Variants in STOX2 observed in about 807,000 individuals in gnomAD.
STOX2 encodes storkhead-box protein 2.
In STOX2, 28 loss-of-function variants were observed where a neutral mutation model predicts 60.9. The ratio of observed to expected loss-of-function variants is 0.46; its 90% CI spans 0.34 to 0.63. STOX2 has a LOEUF of 0.63. Among genes scored for constraint, STOX2 ranks in the 30% least tolerant of loss-of-function variants. The pLI, the probability that STOX2 is intolerant of heterozygous loss-of-function variation, is 0.01. For missense variants in STOX2, 1,024 were observed against 1,187.7 expected (o/e 0.86, Z 2.03); for synonymous variants, 472 against 463.9 (o/e 1.02, Z -0.22).
intron 3 of STOX2, among the ~76,000 whole-genome samples, chr4:184,012,466 G>A (rs537929454): frequency 1.6e-4 from 24 of 152,204 alleles, no homozygotes; most frequent in East Asian, 1.3e-3. Flanking sequence ...AATTAATTCC[G>A]TTGTGATCTT....
intron 1 of STOX2, among the ~76,000 whole-genome samples, chr4:183,994,973 A>T (rs1733268575): frequency 6.6e-6 from 1 of 152,174 alleles, no homozygotes; most frequent in Non-Finnish European, 1.5e-5. Context: ...TAGAGGATGG[A>T]GGCTGGTACT....
At chr4:183,849,971 CT>C (rs567356241) in intron 1 of STOX2, among the ~76,000 whole-genome samples, 1 of 149,616 alleles carries the variant, frequency 6.7e-6, no homozygotes, top group African/African-American at 2.5e-5. Context: ...TTCTTTCTTT[CT>C]TTTTTTTTGA....
intron 1 of STOX2, among the ~76,000 whole-genome samples, chr4:183,963,287 C>T (rs573587523): frequency 2.5e-4 from 38 of 152,050 alleles, no homozygotes; most frequent in Non-Finnish European, 4.1e-4. Context: ...TTTATTATGA[C>T]GTCAAAAAGT....
Position 183,806,261 on chromosome 4 carries a change from C to G in STOX2, c.364+8206C>G, listed in dbSNP as rs1200591481. On this transcript the variant is annotated intron_variant, in intron 1 of 2. Transcript: ENST00000513034. This position sits in a 1 kb window ranked among gnomAD's most constrained non-coding sequence, Gnocchi z 4.1. ...CAGCCCATCTGTCAGTGTAAAATGACTTGCTTCTGTAAGCAGGATGTCACC... is the reference window on the plus strand; with the variant it reads ...CAGCCCATCTGTCAGTGTAAAATGAGTTGCTTCTGTAAGCAGGATGTCACC... Among the ~76,000 whole-genome samples the G allele has an allele frequency of 6.6e-6, 1 of 152,194 alleles. No individual in the cohort carries two copies. The highest frequency in any genetic ancestry group is 1.5e-5 in the Non-Finnish European group (1 of 68,040).
chr4:183,807,302 G>A (rs1738925407), intron 1 of STOX2, among the ~76,000 whole-genome samples: 1 of 152,192 alleles, frequency 6.6e-6, no homozygotes, highest in Admixed American at 6.5e-5. Flanking sequence ...AAAGGGAGGA[G>A]AACTTCTCCA....
At chr4:183,993,140 C>CT (rs1733182994) in intron 1 of STOX2, among the ~76,000 whole-genome samples, 1 of 152,250 alleles carries the variant, frequency 6.6e-6, no homozygotes, top group Non-Finnish European at 1.5e-5. Flanking sequence ...AGGATGGCCC[C>CT]TTTCTGCCCG....
chr4:183,810,381 G>C (rs981999495), intron 1 of STOX2, among the ~76,000 whole-genome samples: 3 of 152,170 alleles, frequency 2.0e-5, no homozygotes, highest in African/African-American at 7.2e-5. Context: ...GGACCACCAT[G>C]GTAGGTACAG....
In STOX2 at chr4:183,925,132, G is replaced by T. The variant is rs75407660; in HGVS notation, c.166+18176G>T. ...CCCCGTGTTTTAATCTTCGAATGAA[G>T]CCAGGGCTGATGGGATGTCTCCTTT... On this transcript the variant is annotated intron_variant, in intron 1 of 3. Coordinates refer to ENST00000308497, the MANE Select transcript of STOX2 (RefSeq NM_020225.3). Among the ~76,000 whole-genome samples, 776 of 152,278 alleles carry T rather than the reference G, an allele frequency of 5.1e-3. 21 individuals are homozygous for T. The highest frequency in any genetic ancestry group is 0.036 in the Admixed American group (554 of 15,290).
rs563982754 is a variant in STOX2 at position 183,817,095 on chromosome 4, G to A, written c.364+19040G>A. 3.9e-5 allele frequency among the ~76,000 whole-genome samples: 6 copies of A among 152,340 alleles called. No homozygotes were observed. The South Asian group carries it at 1.0e-3, about 26-fold the overall frequency. On this transcript the variant is annotated intron_variant, in intron 1 of 2. Coordinates refer to the STOX2 transcript ENST00000513034. ...CCTCAAGTCATGAGAGATGGAAAAG[G>A]ACTACTGTTTTCTGCAGGTAGGTGG...
intron 1 of STOX2, among the ~76,000 whole-genome samples, chr4:183,850,249 A>C (rs1740083566): frequency 6.6e-6 from 1 of 151,918 alleles, no homozygotes; most frequent in South Asian, 2.1e-4. Context: ...TTGGGATTAC[A>C]GGCATGAGCC....
Position 183,825,923 on chromosome 4 carries a change from T to C in STOX2, c.364+27868T>C, listed in dbSNP as rs1005739893. On this transcript the variant is annotated intron_variant, in intron 1 of 2. Coordinates refer to the STOX2 transcript ENST00000513034. The surrounding 1 kb of genome is among the most constrained non-coding windows in gnomAD (Gnocchi z 4.1). ...AGAAGGCGCGAGAAGGGTCGTTGGC[T>C]GTGAGCTGAAAATCGACACCATTTG... 2.0e-5 allele frequency among the ~76,000 whole-genome samples: 3 copies of C among 152,192 alleles called. No individual in the cohort carries two copies. Among genetic ancestry groups the C allele is most frequent in the South Asian group, 2.1e-4 (1 of 4,830 alleles).
intron 1 of STOX2, among the ~76,000 whole-genome samples, chr4:183,953,232 A>G (rs1743145137): frequency 6.6e-6 from 1 of 152,250 alleles, no homozygotes; most frequent in Admixed American, 6.5e-5. Context: ...TTTTACCACA[A>G]AACTTTTTTT....
chr4:183,887,694 C>T (rs1433759981), intron 1 of STOX2, among the ~76,000 whole-genome samples: 7 of 152,210 alleles, frequency 4.6e-5, no homozygotes, highest in Non-Finnish European at 8.8e-5. Flanking sequence ...CTAATAAGTG[C>T]AAGATCCAGG....
chr4:184,010,663 A>T lies in STOX2; in HGVS notation c.1825A>T (p.Thr609Ser). 6.2e-7 allele frequency: 1 copy of T among 1,613,940 alleles called. No individual in the cohort carries two copies. Among genetic ancestry groups the T allele is most frequent in the Non-Finnish European group, 8.5e-7 (1 of 1,179,854 alleles). ...DYFQCNTSSE[T>S]VLTAPSPLGK... ...TTTCCAGTGCAACACCTCTAGTGAG[A>T]CGGTGCTCACGGCACCATCACCTCT... The change falls in exon 3 of 4, where the codon ACG becomes TCG. Residue 609 changes from threonine (T) to serine (S), a missense_variant. Transcript: ENST00000308497. The surrounding 1 kb of genome is among the most constrained non-coding windows in gnomAD (Gnocchi z 4.5).
intron 1 of STOX2, among the ~76,000 whole-genome samples, chr4:183,965,857 G>T (rs56126972): frequency 0.088 from 13,375 of 152,014 alleles, 780 homozygotes; most frequent in Non-Finnish European, 0.12. Flanking sequence ...AGGGAAGGGG[G>T]TGGTTAGGGA....
intron 1 of STOX2, among the ~76,000 whole-genome samples, chr4:183,981,808 C>T (rs116527926): frequency 0.013 from 2,047 of 152,268 alleles, 48 homozygotes; most frequent in African/African-American, 0.047. Flanking sequence ...CAGTGGCTGA[C>T]GTCTGTAATC....
chr4:183,942,563 AT>A (rs1430974406), intron 1 of STOX2, among the ~76,000 whole-genome samples: 1 of 150,204 alleles, frequency 6.7e-6, no homozygotes, highest in Admixed American at 6.7e-5. Flanking sequence ...TTCCTTAATT[AT>A]ATTCTTCCTT....
chr4:183,806,980 C>T lies in STOX2; in HGVS notation c.364+8925C>T, dbSNP rs573121382. 2.3e-3 allele frequency among the ~76,000 whole-genome samples: 338 copies of T among 149,750 alleles called. 4 individuals carry two copies. The highest frequency in any genetic ancestry group is 7.8e-3 in the African/African-American group (317 of 40,612). On this transcript the variant is annotated intron_variant, in intron 1 of 2. Coordinates refer to the STOX2 transcript ENST00000513034. This position sits in a 1 kb window ranked among gnomAD's most constrained non-coding sequence, Gnocchi z 4.1. Reference sequence around the variant, plus strand: ...ATGCTTTCTGACACTTTCTTTTTTTCTTTTTTTTTTGAGACGGAGTCTTGC... The same window carrying T: ...ATGCTTTCTGACACTTTCTTTTTTTTTTTTTTTTTTGAGACGGAGTCTTGC...
intron 1 of STOX2, among the ~76,000 whole-genome samples, chr4:183,818,362 A>T (rs1579298003): frequency 6.6e-6 from 1 of 152,302 alleles, no homozygotes; most frequent in Admixed American, 6.5e-5. Context: ...CCCTTAATCC[A>T]TTCAACCCTG....
Sources: gnomAD v4.1 joint callset for allele counts (sites outside exome capture counted in the v4.1 genomes callset) on GRCh38, gnomAD v4.1.1 for gene constraint, Gnocchi (gnomAD v3.1) non-coding constraint, MANE v1.5 for transcripts, NCBI Gene and HGNC (gene_info 2026-07-23, HGNC 2026-07-21) for gene names.